The following FBXO21 variants were observed in gnomAD, a reference collection of about 807,000 sequenced individuals.
The protein encoded by FBXO21 is F-box protein 21.
Under a neutral mutation model 76.6 loss-of-function variants are expected in FBXO21, and 32 were observed. The observed-to-expected ratio is 0.42, with a 90% CI of 0.32 to 0.56. FBXO21 has a LOEUF of 0.56. Among genes scored for constraint, FBXO21 ranks in the 20% least tolerant of loss-of-function variants. FBXO21 has a pLI of 0.16. For missense variants in FBXO21, 586 were observed against 797.3 expected, an observed-to-expected ratio of 0.73 and a Z score of 3.19; for synonymous variants, 328 against 311.5, an observed-to-expected ratio of 1.05 and a Z score of -0.56.
At chr12:117,187,006 C>T (rs60439829) in intron 2 of FBXO21, among the ~76,000 whole-genome samples, 30,268 of 152,074 alleles carry the variant, frequency 0.2, 3,408 homozygotes, top group East Asian at 0.43. Flanking sequence ...ATCCCAGCTA[C>T]TTGGGAGGCT....
intron 2 of FBXO21, among the ~76,000 whole-genome samples, chr12:117,187,043 G>A (rs1026878244): frequency 6.6e-6 from 1 of 152,046 alleles, no homozygotes; most frequent in Admixed American, 6.5e-5. Flanking sequence ...TTGAACCCGG[G>A]AGGCGGAGGT....
intron 5 of FBXO21, 139 bp from the exon 6 acceptor site, chr12:117,174,480 G>A (rs914038900): frequency 2.5e-6 from 3 of 1,185,952 alleles, no homozygotes; most frequent in Non-Finnish European, 3.7e-6. Context: ...GCAGAAGGCA[G>A]TATGTATTTG....
At chr12:117,147,274 T>A (rs372950173) in intron 11 of FBXO21, among the ~76,000 whole-genome samples, 22 of 37,290 alleles carry the variant, frequency 5.9e-4, no homozygotes, top group East Asian at 1.4e-3. Context: ...AAATAGAAAA[T>A]AAGACTGAAA....
intron 8 of FBXO21, among the ~76,000 whole-genome samples, chr12:117,166,206 A>G (rs1956052045): frequency 6.6e-6 from 1 of 152,078 alleles, no homozygotes; most frequent in South Asian, 2.1e-4. Context: ...AAAAAAAAAA[A>G]AAAGAATTCT....
chr12:117,161,269 C>A (rs1955973382), intron 9 of FBXO21, among the ~76,000 whole-genome samples: 1 of 152,034 alleles, frequency 6.6e-6, no homozygotes, highest in African/African-American at 2.4e-5. Flanking sequence ...GGCAGACACG[C>A]AGCACATGCA....
chr12:117,172,797 A>G (rs2135872164), intron 6 of FBXO21, among the ~76,000 whole-genome samples, 190 bp from the exon 7 acceptor site: 1 of 152,290 alleles, frequency 6.6e-6, no homozygotes, highest in East Asian at 1.9e-4. Flanking sequence ...TCCACCGGCT[A>G]TTTTTGTACA....
intron 9 of FBXO21, among the ~76,000 whole-genome samples, chr12:117,161,267 C>T (rs942563609): frequency 3.9e-5 from 6 of 151,976 alleles, no homozygotes; most frequent in Admixed American, 6.5e-5. Flanking sequence ...TGGGCAGACA[C>T]GCAGCACATG....
In FBXO21 at chr12:117,143,478, A is replaced by C. The variant is rs904731041; in HGVS notation, c.*2609T>G. The C allele has an allele frequency of 2.0e-5, 3 of 152,246 alleles. No homozygotes were observed. Among genetic ancestry groups the C allele is most frequent in the Admixed American group, 2.0e-4 (3 of 15,284 alleles). 9.4% of individuals were successfully genotyped at this position (152,246 alleles called of 1,614,324 possible). A position where few individuals can be genotyped will look rare whatever the true frequency, so the allele number is the denominator to read the frequency against. On this transcript the variant is annotated 3_prime_UTR_variant, in exon 12 of 12. Transcript: ENST00000622495. The stretch of plus-strand genomic sequence containing the variant: ...AAATCAACGGCAACAGAACGCACGA[A>C]GAACCTGGTTTTCTTTCAAAGCATG...
intron 9 of FBXO21, among the ~76,000 whole-genome samples, chr12:117,161,928 T>C (rs1047888838): frequency 6.6e-6 from 1 of 152,174 alleles, no homozygotes; most frequent in Non-Finnish European, 1.5e-5. Flanking sequence ...AGAAAAAGTA[T>C]GTACTGCATT....
Position 117,146,173 on chromosome 12 carries a change from C to T in FBXO21, c.1780G>A (p.Glu594Lys), listed in dbSNP as rs905060901. The T allele has an allele frequency of 2.5e-6, 4 of 1,613,976 alleles. No homozygotes were observed. In the African/African-American group the frequency reaches 5.3e-5, roughly 22 times the overall value. ...GTHYIPNAEL[E>K]IRYPEDLEFV... is the part of the protein sequence containing the mutation. ...TCCAGATCTTCTGGATACCGGATCT[C>T]CAGCTCTGCGTTTGGGATGTAGTGA... is the stretch of plus-strand genomic sequence containing the variant. Residue 594 changes from glutamate (E) to lysine (K), a missense_variant, in exon 12 of 12, where the codon GAG (glutamate) becomes AAG (lysine). This residue lies in a region of FBXO21 where 164 missense variants were observed against 236.7 expected (regional missense o/e 0.69). Transcript: ENST00000622495.
chr12:117,165,685 G>C, intron 8 of FBXO21, 68 bp from the exon 9 acceptor site: 2 of 1,450,330 alleles, frequency 1.4e-6, no homozygotes, highest in Admixed American at 2.1e-5. Context: ...CTTTTTCAAG[G>C]CCCAGGTTTT....
At chr12:117,172,428 A>G (rs764355226) in intron 7 of FBXO21, 43 bp downstream of exon 7, 6 of 1,595,672 alleles carry the variant, frequency 3.8e-6, no homozygotes, top group Non-Finnish European at 5.1e-6. Context: ...GCACAGAGGG[A>G]CCAAATCTTC....
At chr12:117,189,170 G>C (rs1956319291) in intron 2 of FBXO21, 57 bp downstream of exon 2, 11 of 1,606,262 alleles carry the variant, frequency 6.8e-6, no homozygotes, top group Non-Finnish European at 8.5e-7. Flanking sequence ...CATGCCTGCA[G>C]ACCCAGACAC....
chr12:117,146,124 T>C lies in FBXO21; in HGVS notation c.1829A>G (p.Asn610Ser). 6.2e-7 allele frequency: 1 copy of C among 1,612,558 alleles called. No individual in the cohort carries two copies. Among genetic ancestry groups the C allele is most frequent in the Non-Finnish European group, 8.5e-7 (1 of 1,179,442 alleles). The change falls in exon 12 of 12, where the codon AAT becomes AGT. Residue 610 changes from asparagine to serine, a missense_variant. Asn to Ser is a conservative substitution (Grantham distance 46). Around this residue, in one of 6 missense-constraint regions of FBXO21, gnomAD observed 164 missense variants for 236.7 expected, o/e 0.69. Transcript: ENST00000622495. ...DLEFVYETVQ[N>S]IYSAKKENID... ...GTTCTCTTTCTTTGCACTGTAAATA[T>C]TCTGCACCGTTTCATAGACAAACTC...
chr12:117,175,182 A>G (rs530276049), intron 4 of FBXO21, among the ~76,000 whole-genome samples: 1 of 152,274 alleles, frequency 6.6e-6, no homozygotes, highest in East Asian at 1.9e-4. Flanking sequence ...ACTTAATGGT[A>G]TAAGGCAGTT....
At chr12:117,187,420 C>CA (rs921514232) in intron 2 of FBXO21, among the ~76,000 whole-genome samples, 11,936 of 59,548 alleles carry the variant, frequency 0.2, 1,828 homozygotes, top group Admixed American at 0.29. Flanking sequence ...AACTCTGTCT[C>CA]AAAAAAAAAA....
At chr12:117,184,885 T>C (rs1956268010) in intron 3 of FBXO21, among the ~76,000 whole-genome samples, 2 of 152,120 alleles carry the variant, frequency 1.3e-5, no homozygotes. Flanking sequence ...AAAAACAATA[T>C]AGAAAAGTAC....
chr12:117,189,173 C>A (rs1956319388), intron 2 of FBXO21, 54 bp downstream of exon 2: 2 of 1,609,038 alleles, frequency 1.2e-6, no homozygotes, highest in Non-Finnish European at 8.5e-7. Flanking sequence ...GCCTGCAGAC[C>A]CAGACACATA....
chr12:117,166,184 A>G (rs1297707967), intron 8 of FBXO21, among the ~76,000 whole-genome samples: 1 of 125,326 alleles, frequency 8.0e-6, no homozygotes, highest in African/African-American at 3.3e-5. Context: ...GAGCGAAACT[A>G]TGTCTCAAAA....
Sources: gnomAD v4.1 joint callset for allele counts (sites outside exome capture counted in the v4.1 genomes callset) on GRCh38, gnomAD v4.1.1 for gene constraint, gnomAD v4.1.1 regional missense constraint, MANE v1.5 for transcripts, NCBI Gene and HGNC (gene_info 2026-07-23, HGNC 2026-07-21) for gene names.